The following CNBD1 variants were observed in gnomAD, a reference collection of about 807,000 sequenced individuals.
The protein encoded by CNBD1 is cyclic nucleotide binding domain containing 1, also known as cyclic nucleotide-binding domain-containing protein 1.
Under a neutral mutation model 54.4 loss-of-function variants are expected in CNBD1, and 71 were observed. The ratio of observed to expected loss-of-function variants is 1.30; its 90% CI spans 1.08 to 1.59. The LOEUF is 1.59. Among genes scored for constraint, CNBD1 ranks in the 40% most tolerant of loss-of-function variants. The pLI, the probability that CNBD1 is intolerant of heterozygous loss-of-function variation, is 0.00. For missense variants in CNBD1, 659 were observed against 518.0 expected (o/e 1.27, Z -2.64); for synonymous variants, 182 against 170.7 (o/e 1.07, Z -0.51).
intron 4 of CNBD1, among the ~76,000 whole-genome samples, chr8:87,172,498 C>A (rs1159999719): frequency 7.0e-6 from 1 of 143,564 alleles, no homozygotes; most frequent in East Asian, 2.0e-4. Flanking sequence ...TGTTTGAGGT[C>A]TCTCTCTCTC....
chr8:87,349,659 G>A (rs1321551323), intron 8 of CNBD1, among the ~76,000 whole-genome samples: 1 of 152,212 alleles, frequency 6.6e-6, no homozygotes, highest in Non-Finnish European at 1.5e-5. Context: ...ACAGGCGTGA[G>A]CCACCGCGCC....
At chr8:86,958,401 G>A (rs994469336) in intron 4 of CNBD1, among the ~76,000 whole-genome samples, 2 of 152,094 alleles carry the variant, frequency 1.3e-5, no homozygotes, top group African/African-American at 4.8e-5. Flanking sequence ...TTCCTGTCTT[G>A]TTGTCTGTTT....
At chr8:87,271,623 G>T (rs1808365704) in intron 6 of CNBD1, among the ~76,000 whole-genome samples, 1 of 151,970 alleles carries the variant, frequency 6.6e-6, no homozygotes, top group African/African-American at 2.4e-5. Flanking sequence ...TGTTGAGGAT[G>T]TGGAGAAAGA....
At chr8:87,387,399 G>A (rs578075786), downstream of CNBD1, among the ~76,000 whole-genome samples, 1 of 152,126 alleles carries the variant, frequency 6.6e-6, no homozygotes, top group Non-Finnish European at 1.5e-5. Context: ...CAAAATAAAA[G>A]GATGGAGGAA....
intron 8 of CNBD1, among the ~76,000 whole-genome samples, chr8:87,316,875 AATTT>A (rs568985555): frequency 1.6e-3 from 237 of 151,928 alleles, no homozygotes; most frequent in African/African-American, 5.0e-3. Context: ...AATCGATATG[AATTT>A]ATTATTATAT....
At chr8:87,360,212 T>C (rs547333847) in intron 10 of CNBD1, among the ~76,000 whole-genome samples, 1 of 152,074 alleles carries the variant, frequency 6.6e-6, no homozygotes, top group East Asian at 1.9e-4. Context: ...TCATAAATGT[T>C]AAATGCTCTA....
chr8:87,365,127 C>T (rs1171999344), intron 10 of CNBD1, among the ~76,000 whole-genome samples: 1 of 151,992 alleles, frequency 6.6e-6, no homozygotes, highest in African/African-American at 2.4e-5. Context: ...ATAAGTGTCC[C>T]CTTTTCTCCA....
chr8:87,267,097 T>A (rs557641969), intron 6 of CNBD1, among the ~76,000 whole-genome samples: 1 of 152,250 alleles, frequency 6.6e-6, no homozygotes, highest in South Asian at 2.1e-4. Flanking sequence ...TGAAGATATC[T>A]GCATCATACA....
chr8:87,286,397 C>T (rs1050048514), intron 7 of CNBD1, 142 bp from the exon 8 acceptor site: 6 of 554,862 alleles, frequency 1.1e-5, no homozygotes, highest in Non-Finnish European at 1.9e-5. Flanking sequence ...TAGAGTGATG[C>T]TCAGATAAAA....
chr8:87,197,926 A>G (rs1217256480), intron 4 of CNBD1, among the ~76,000 whole-genome samples: 5 of 152,150 alleles, frequency 3.3e-5, no homozygotes. Context: ...AGAAAATTGT[A>G]GGTATTGCTG....
intron 4 of CNBD1, among the ~76,000 whole-genome samples, chr8:87,153,974 A>G (rs151102748): frequency 0.012 from 1,788 of 152,308 alleles, 33 homozygotes; most frequent in Middle Eastern, 0.054. Flanking sequence ...ACGGAACTGA[A>G]GGAAGTTCAG....
intron 4 of CNBD1, among the ~76,000 whole-genome samples, chr8:87,052,373 C>G (rs1017937543): frequency 1.1e-4 from 17 of 152,202 alleles, no homozygotes; most frequent in African/African-American, 4.1e-4. Context: ...TTCAGTAAAG[C>G]TTCCCTCAGA....
chr8:87,291,037 G>A (rs958901440), intron 8 of CNBD1, among the ~76,000 whole-genome samples: 2 of 152,004 alleles, frequency 1.3e-5, no homozygotes, highest in African/African-American at 4.8e-5. Context: ...TATATTGTTA[G>A]CTATGCTAAT....
chr8:87,177,727 C>T (rs1165686871), intron 4 of CNBD1, among the ~76,000 whole-genome samples: 3 of 152,044 alleles, frequency 2.0e-5, no homozygotes, highest in Non-Finnish European at 1.5e-5. Flanking sequence ...TTAACTAGTA[C>T]TTATGAGATA....
At chr8:87,195,780 C>T (rs1447582039) in intron 4 of CNBD1, among the ~76,000 whole-genome samples, 1 of 151,484 alleles carries the variant, frequency 6.6e-6, no homozygotes, top group Non-Finnish European at 1.5e-5. Context: ...ACCATGTTGG[C>T]CACACTGGTC....
At chr8:87,074,657 G>C (rs897503987) in intron 4 of CNBD1, among the ~76,000 whole-genome samples, 1 of 152,146 alleles carries the variant, frequency 6.6e-6, no homozygotes, top group African/African-American at 2.4e-5. Context: ...ATCACCTGCT[G>C]CTTCCCTTGG....
At chr8:87,254,697 G>A (rs549918920) in intron 6 of CNBD1, among the ~76,000 whole-genome samples, 5 of 152,218 alleles carry the variant, frequency 3.3e-5, no homozygotes, top group Admixed American at 1.3e-4. Context: ...GGATTTTCAC[G>A]TATCACCTGT....
chr8:87,111,757 T>A (rs1468940881), intron 4 of CNBD1, among the ~76,000 whole-genome samples: 1 of 152,158 alleles, frequency 6.6e-6, no homozygotes, highest in African/African-American at 2.4e-5. Context: ...TATGAGCATT[T>A]CCATGGATCC....
chr8:86,876,293 C>T (rs1808519987), intron 1 of CNBD1, among the ~76,000 whole-genome samples: 1 of 151,480 alleles, frequency 6.6e-6, no homozygotes, highest in Non-Finnish European at 1.5e-5. Flanking sequence ...TCTCTTTTTT[C>T]TAATGTCAAA....
Sources: allele counts gnomAD v4.1 joint callset (sites outside exome capture counted in the v4.1 genomes callset), GRCh38; gene constraint gnomAD v4.1.1; transcripts MANE v1.5; gene names NCBI Gene and HGNC (gene_info 2026-07-23, HGNC 2026-07-21).